Variants in TAFA1 observed in about 807,000 individuals in gnomAD.
TAFA1 encodes chemokine-like protein TAFA-1.
In TAFA1, 4 loss-of-function variants were observed where a neutral mutation model predicts 18.5. The observed-to-expected ratio is 0.22, with a 90% CI of 0.11 to 0.49. The LOEUF is 0.49. Ranked by LOEUF, TAFA1 falls within the 20% of genes least tolerant of loss-of-function variation. TAFA1 has a pLI of 0.98. For missense variants in TAFA1, 147 were observed against 169.0 expected, an observed-to-expected ratio of 0.87 and a Z score of 0.72; for synonymous variants, 56 against 55.2, an observed-to-expected ratio of 1.01 and a Z score of -0.06.
intron 2 of TAFA1, among the ~76,000 whole-genome samples, chr3:68,346,507 G>T (rs909615655): frequency 6.6e-6 from 1 of 152,092 alleles, no homozygotes; most frequent in Non-Finnish European, 1.5e-5. Context: ...CCAAAATCTT[G>T]ACCATTGTAG....
chr3:68,035,371 A>G (rs1289899497), intron 2 of TAFA1, among the ~76,000 whole-genome samples: 1 of 152,180 alleles, frequency 6.6e-6, no homozygotes, highest in African/African-American at 2.4e-5. Flanking sequence ...CCTTAGGTTG[A>G]TTAAATATTT....
chr3:68,443,811 T>A (rs1212237110), intron 3 of TAFA1, among the ~76,000 whole-genome samples: 1 of 152,118 alleles, frequency 6.6e-6, no homozygotes, highest in Non-Finnish European at 1.5e-5. Flanking sequence ...CTAAATGAGA[T>A]TCCTCCTCAT....
At chr3:68,037,073 T>C (rs957268947) in intron 2 of TAFA1, among the ~76,000 whole-genome samples, 1 of 152,016 alleles carries the variant, frequency 6.6e-6, no homozygotes, top group African/African-American at 2.4e-5. Flanking sequence ...TGAGGAGACA[T>C]AGCTTGGGAG....
intron 2 of TAFA1, among the ~76,000 whole-genome samples, chr3:68,122,906 A>G (rs2065418290): frequency 6.6e-6 from 1 of 151,774 alleles, no homozygotes; most frequent in Admixed American, 6.6e-5. Context: ...TATATTAAAT[A>G]TGTATATGTT....
chr3:68,019,262 G>C (rs933733050), intron 2 of TAFA1, among the ~76,000 whole-genome samples: 1 of 152,180 alleles, frequency 6.6e-6, no homozygotes, highest in Admixed American at 6.5e-5. Flanking sequence ...ATGCAAACAG[G>C]CCTGGCTGAA....
intron 2 of TAFA1, among the ~76,000 whole-genome samples, chr3:68,100,104 A>G (rs1018384145): frequency 1.3e-5 from 2 of 152,160 alleles, no homozygotes; most frequent in African/African-American, 4.8e-5. Flanking sequence ...GCATCACTCA[A>G]TATACCCAGG....
At chr3:68,194,553 G>A (rs925280579) in intron 2 of TAFA1, among the ~76,000 whole-genome samples, 1 of 151,640 alleles carries the variant, frequency 6.6e-6, no homozygotes, top group Non-Finnish European at 1.5e-5. Flanking sequence ...TAAATAATAT[G>A]GAAGCAATAT....
chr3:68,376,656 T>C (rs2106651747), intron 2 of TAFA1, among the ~76,000 whole-genome samples: 1 of 152,320 alleles, frequency 6.6e-6, no homozygotes, highest in Non-Finnish European at 1.5e-5. Context: ...CAGTCTACCA[T>C]GAGGGGCATT....
chr3:68,320,521 C>T (rs2106704343), intron 2 of TAFA1, among the ~76,000 whole-genome samples: 1 of 152,268 alleles, frequency 6.6e-6, no homozygotes, highest in Non-Finnish European at 1.5e-5. Flanking sequence ...AGCCTATCTC[C>T]TCCTTGGTTC....
At chr3:68,516,750 C>T (rs2072926072) in intron 3 of TAFA1, among the ~76,000 whole-genome samples, 1 of 152,092 alleles carries the variant, frequency 6.6e-6, no homozygotes, top group Non-Finnish European at 1.5e-5. Flanking sequence ...CACCAAATAG[C>T]AACTGAAGTA....
intron 3 of TAFA1, among the ~76,000 whole-genome samples, chr3:68,462,069 G>A (rs2071793434): frequency 6.6e-6 from 1 of 152,036 alleles, no homozygotes. Context: ...AAAATTCTCA[G>A]TACAATGGCA....
At chr3:68,226,425 A>G (rs1336304144) in intron 2 of TAFA1, among the ~76,000 whole-genome samples, 3 of 152,188 alleles carry the variant, frequency 2.0e-5, no homozygotes, top group Non-Finnish European at 4.4e-5. Context: ...TGAATTATCA[A>G]TTCAAAATAT....
In TAFA1 at chr3:68,081,364, G is replaced by A. The variant is rs546390876; in HGVS notation, c.118+74620G>A. ...TGTTCCGTTGCTGGTGAGGACCTGC[G>A]TTCCTTTGGAGGAGGAGAGGCGCTC... On this transcript the variant is annotated intron_variant, in intron 2 of 4. Transcript: ENST00000478136. 5.7e-3 allele frequency among the ~76,000 whole-genome samples: 860 copies of A among 152,202 alleles called. 8 individuals are homozygous for A. The highest frequency in any genetic ancestry group is 0.019 in the African/African-American group (777 of 41,482).
chr3:68,362,441 C>G (rs187126915), intron 2 of TAFA1, among the ~76,000 whole-genome samples: 1 of 152,096 alleles, frequency 6.6e-6, no homozygotes, highest in Non-Finnish European at 1.5e-5. Context: ...ATTCAGGAAA[C>G]AGCACAGGCA....
chr3:68,294,734 G>A (rs750702864), intron 2 of TAFA1, among the ~76,000 whole-genome samples: 1 of 151,862 alleles, frequency 6.6e-6, no homozygotes, highest in Non-Finnish European at 1.5e-5. Flanking sequence ...AAAATTAGCT[G>A]GGCATGGTGG....
Position 68,310,595 on chromosome 3 carries a change from T to C in TAFA1, c.119-106685T>C, listed in dbSNP as rs2068498611. Among the ~76,000 whole-genome samples the C allele has an allele frequency of 2.6e-5, 4 of 152,290 alleles. No individual in the cohort carries two copies. The South Asian group carries it at 8.3e-4, about 32-fold the overall frequency. On this transcript the variant is annotated intron_variant, in intron 2 of 4. Transcript: ENST00000478136. ...CAAATTATAATTCATATAAACACTA[T>C]CATAAACTTGAATCTTAAAGGTGAT...
intron 2 of TAFA1, among the ~76,000 whole-genome samples, chr3:68,031,769 A>G (rs1001604456): frequency 4.6e-5 from 7 of 152,162 alleles, no homozygotes; most frequent in African/African-American, 1.7e-4. Flanking sequence ...TAACCCAGAC[A>G]TACACTATTT....
intron 3 of TAFA1, among the ~76,000 whole-genome samples, chr3:68,427,660 C>G (rs1299569890): frequency 6.6e-6 from 1 of 151,788 alleles, no homozygotes; most frequent in Non-Finnish European, 1.5e-5. Context: ...TACCACCCCC[C>G]CCATACAAGT....
chr3:68,400,424 C>T (rs917001648), intron 2 of TAFA1, among the ~76,000 whole-genome samples: 1 of 152,170 alleles, frequency 6.6e-6, no homozygotes, highest in African/African-American at 2.4e-5. Context: ...ATAGTGCATT[C>T]CTAGCAACTA....
Sources: allele counts gnomAD v4.1 joint callset (sites outside exome capture counted in the v4.1 genomes callset), GRCh38; gene constraint gnomAD v4.1.1; transcripts MANE v1.5; gene names NCBI Gene and HGNC (gene_info 2026-07-23, HGNC 2026-07-21).